Variants in ABHD18 observed in about 807,000 individuals in gnomAD.
The protein encoded by ABHD18 is abhydrolase domain containing 18, also known as cardiolipin-specific deacylase, mitochondrial.
ABHD18 carries 55 observed loss-of-function variants against 65.9 expected under a neutral mutation model. That is an observed-to-expected ratio of 0.84 (90% CI 0.67 to 1.05). ABHD18 has a LOEUF of 1.05. ABHD18 is among the 50% of genes least tolerant of loss of function. The pLI is 0.00. For missense variants in ABHD18, 533 were observed against 558.5 expected, an observed-to-expected ratio of 0.95 and a Z score of 0.46; for synonymous variants, 181 against 180.2, an observed-to-expected ratio of 1.00 and a Z score of -0.04.
chr4:127,979,020 A>G (rs1748488173), intron 1 of ABHD18, among the ~76,000 whole-genome samples: 1 of 152,220 alleles, frequency 6.6e-6, no homozygotes, highest in Admixed American at 6.5e-5. Flanking sequence ...TAAGTATGTA[A>G]GTCAAACTGT....
chr4:128,010,798 C>T (rs1754395511), intron 6 of ABHD18, among the ~76,000 whole-genome samples: 1 of 151,372 alleles, frequency 6.6e-6, no homozygotes, highest in African/African-American at 2.4e-5. Context: ...GCCTGTAATC[C>T]CAGCTACTTG....
intron 1 of ABHD18, among the ~76,000 whole-genome samples, chr4:127,974,588 G>C (rs569124346): frequency 4.1e-4 from 62 of 150,558 alleles, no homozygotes; most frequent in South Asian, 1.7e-3. Flanking sequence ...GCCCAGGCTG[G>C]TCTTGAACTC....
At chr4:128,022,573 T>G (rs894281531) in intron 10 of ABHD18, among the ~76,000 whole-genome samples, 3 of 152,214 alleles carry the variant, frequency 2.0e-5, no homozygotes, top group African/African-American at 7.2e-5. Flanking sequence ...GTTGCTGATA[T>G]TCTATTATTT....
chr4:127,998,782 C>T (rs1328703512), intron 4 of ABHD18, among the ~76,000 whole-genome samples: 1 of 152,092 alleles, frequency 6.6e-6, no homozygotes, highest in Admixed American at 6.6e-5. Context: ...AAAAGCAAAA[C>T]AGTTTATTCT....
intron 1 of ABHD18, among the ~76,000 whole-genome samples, chr4:127,982,203 A>G (rs957014834): frequency 8.5e-5 from 13 of 152,288 alleles, no homozygotes; most frequent in African/African-American, 2.9e-4. Flanking sequence ...GGAAATGCAG[A>G]TTTTCATTTT....
intron 1 of ABHD18, among the ~76,000 whole-genome samples, chr4:127,975,897 C>G (rs1579138058): frequency 1.3e-5 from 2 of 152,240 alleles, no homozygotes; most frequent in East Asian, 3.9e-4. Flanking sequence ...ACAGTCTCGG[C>G]TCACTGCAAC....
At chr4:128,001,774 T>A (rs899894694) in intron 4 of ABHD18, 2 of 1,544,232 alleles carry the variant, frequency 1.3e-6, no homozygotes, top group African/African-American at 2.8e-5. Context: ...GGTAACCAGT[T>A]ATTTCTCTCT....
intron 1 of ABHD18, among the ~76,000 whole-genome samples, chr4:127,979,461 A>G (rs559533003): frequency 6.6e-6 from 1 of 152,320 alleles, no homozygotes; most frequent in South Asian, 2.1e-4. Flanking sequence ...AGGCTGAGGC[A>G]GGAGAATCAT....
At chr4:128,021,272 T>TG (rs779363687) in intron 10 of ABHD18, 34 bp downstream of exon 10, 250 of 1,217,332 alleles carry the variant, frequency 2.1e-4, no homozygotes, top group Non-Finnish European at 4.8e-5. Context: ...ACATTGGTGG[T>TG]GGGGGGAGTT....
intron 1 of ABHD18, among the ~76,000 whole-genome samples, chr4:127,971,594 G>T (rs1245791556): frequency 7.4e-6 from 1 of 135,660 alleles, no homozygotes; most frequent in Non-Finnish European, 1.5e-5. Flanking sequence ...TGGTTCAAAT[G>T]ATTCTCCTGC....
intron 7 of ABHD18, 73 bp downstream of exon 7, chr4:128,011,773 T>A: frequency 1.0e-6 from 1 of 965,246 alleles, no homozygotes; most frequent in Non-Finnish European, 1.4e-6. Flanking sequence ...TTGGTTGCCT[T>A]CAGTTAACCA....
intron 1 of ABHD18, among the ~76,000 whole-genome samples, chr4:127,982,496 T>A (rs1579180485): frequency 6.6e-6 from 1 of 152,182 alleles, no homozygotes; most frequent in South Asian, 2.1e-4. Flanking sequence ...CTTGGGTAAA[T>A]TATACTCTCT....
intron 4 of ABHD18, among the ~76,000 whole-genome samples, chr4:128,003,982 C>CA (rs1183683921): frequency 6.7e-6 from 1 of 148,716 alleles, no homozygotes; most frequent in Non-Finnish European, 1.5e-5. Flanking sequence ...ACCAAACAAA[C>CA]AAAAAACCAT....
rs540794542 is a variant in ABHD18, at chr4:128,018,829, C to T, written c.610-1251C>T. Among the ~76,000 whole-genome samples the T allele has an allele frequency of 3.0e-3, 453 of 152,004 alleles. 4 individuals carry two copies. The highest frequency in any genetic ancestry group is 0.011 in the African/African-American group (436 of 41,470). ...AGGAGTTCAAGACCAGCCTGACCAACATGGTGAAACCCCGTCTCTACTAAA... is the reference window on the plus strand; with the variant it reads ...AGGAGTTCAAGACCAGCCTGACCAATATGGTGAAACCCCGTCTCTACTAAA... On this transcript the variant is annotated intron_variant, in intron 8 of 12. Transcript: ENST00000645843.
intron 10 of ABHD18, among the ~76,000 whole-genome samples, chr4:128,026,983 T>C (rs1175581114): frequency 6.6e-6 from 1 of 152,046 alleles, no homozygotes; most frequent in Non-Finnish European, 1.5e-5. Context: ...AGTTTCACCA[T>C]GTTGGCCAGG....
chr4:127,997,249 C>T (rs912126198), intron 4 of ABHD18, among the ~76,000 whole-genome samples: 3 of 152,210 alleles, frequency 2.0e-5, no homozygotes, highest in Non-Finnish European at 4.4e-5. Context: ...GCCGGTCCCT[C>T]CATTCAGGGT....
chr4:127,982,576 G>C (rs1400162241), intron 1 of ABHD18, among the ~76,000 whole-genome samples: 4 of 152,178 alleles, frequency 2.6e-5, no homozygotes, highest in African/African-American at 9.6e-5. Context: ...TAGGTTTAAT[G>C]AGAACCTGCG....
chr4:128,028,117 C>T (rs1757647576), intron 10 of ABHD18, among the ~76,000 whole-genome samples: 1 of 152,166 alleles, frequency 6.6e-6, no homozygotes. Context: ...GAAACTTACC[C>T]ATTGAACAAA....
intron 7 of ABHD18, among the ~76,000 whole-genome samples, chr4:128,012,034 C>T (rs1388880141): frequency 6.6e-6 from 1 of 151,264 alleles, no homozygotes; most frequent in African/African-American, 2.4e-5. Context: ...CTGGAGTGCA[C>T]TGGTGCGATC....
Sources: allele counts gnomAD v4.1 joint callset (sites outside exome capture counted in the v4.1 genomes callset), GRCh38; gene constraint gnomAD v4.1.1; transcripts MANE v1.5; gene names NCBI Gene and HGNC (gene_info 2026-07-23, HGNC 2026-07-21).